Variants in MAP3K9 observed in about 807,000 individuals in gnomAD.
MAP3K9 encodes the protein mitogen-activated protein kinase kinase kinase 9, also known as mixed lineage kinase 1 (tyr and ser/thr specificity).
A neutral mutation model predicts 95.8 loss-of-function variants in MAP3K9; 46 were observed. The ratio of observed to expected loss-of-function variants is 0.48; its 90% confidence interval spans 0.38 to 0.61. MAP3K9 has a LOEUF of 0.61. MAP3K9 is among the 20% of genes least tolerant of loss of function. The pLI is 0.00. For missense variants in MAP3K9, 1,296 were observed against 1,474.3 expected (o/e 0.88, Z 1.98); for synonymous variants, 533 against 593.8 (o/e 0.90, Z 1.49).
At position 70,726,095 on chromosome 14, in the gene MAP3K9, C is replaced by T. The variant is rs529855323; in HGVS notation, c.*4285G>A. On this transcript the variant is annotated 3_prime_UTR_variant, in exon 12 of 12. Transcript: ENST00000554752. The stretch of plus-strand genomic sequence containing the variant: ...AACACGGTTTCAACCCCAAGGTGTA[C>T]CATTCACAGCCATCCAGTCTTCAGT... 1 of 152,248 alleles carries T rather than the reference C, an allele frequency of 6.6e-6. No homozygotes were observed. The highest frequency in any genetic ancestry group is 2.4e-5 in the African/African-American group (1 of 41,468). The allele number at this position is 152,248 out of a possible 1,614,324, so 9.4% of individuals were successfully genotyped here.
chr14:70,754,717 C>T (rs998308022), intron 3 of MAP3K9, among the ~76,000 whole-genome samples: 5 of 152,068 alleles, frequency 3.3e-5, no homozygotes, highest in Non-Finnish European at 7.4e-5. Flanking sequence ...GTGATCTGCC[C>T]GCCTCAGCCT....
intron 1 of MAP3K9, among the ~76,000 whole-genome samples, chr14:70,806,224 C>T (rs1003688513): frequency 2.0e-5 from 3 of 152,144 alleles, no homozygotes; most frequent in East Asian, 1.9e-4. Context: ...CTTCAATGAC[C>T]GCCCATGTTC....
intron 3 of MAP3K9, among the ~76,000 whole-genome samples, chr14:70,759,370 AG>A (rs2054339177): frequency 1.3e-5 from 2 of 152,192 alleles, no homozygotes; most frequent in South Asian, 4.1e-4. Context: ...TGAACCCGGG[AG>A]GCAGAGGTGG....
In MAP3K9 at chr14:70,809,087, C is replaced by A; in HGVS notation, c.85G>T (p.Ala29Ser). 7.0e-7 allele frequency: 1 copy of A among 1,426,536 alleles called. No individual in the cohort carries two copies. The highest frequency in any genetic ancestry group is 9.1e-7 in the Non-Finnish European group (1 of 1,098,414). 88.4% of individuals were successfully genotyped at this position (1,426,536 alleles called of 1,614,324 possible). Reference sequence around the variant, plus strand: ...TCCTCCTCCTCCTCCTCCTCCTCGGCCCCGGCCCCTGCTCCATCCTCCCCC... The same window carrying A: ...TCCTCCTCCTCCTCCTCCTCCTCGGACCCGGCCCCTGCTCCATCCTCCCCC... The part of the protein sequence containing the change: ...PPGEDGAGAG[A>S]EEEEEEEEEA... Residue 29 changes from alanine (A) to serine (S), a missense_variant, in exon 1 of 12, where the codon GCC becomes TCC. Coordinates refer to ENST00000554752, the MANE Select transcript of MAP3K9 (RefSeq NM_001284230.2).
chr14:70,752,111 A>C (rs1594779489), intron 3 of MAP3K9, among the ~76,000 whole-genome samples: 1 of 152,336 alleles, frequency 6.6e-6, no homozygotes, highest in East Asian at 1.9e-4. Context: ...CCAGGAAAAA[A>C]CAAAAAGCCT....
In MAP3K9 at chr14:70,732,744, A is replaced by G. The variant is rs1178312186; in HGVS notation, c.2625T>C (p.Cys875=). Residue 875 remains cysteine, a synonymous_variant, in exon 11 of 12, where the codon TGT becomes TGC. Coordinates refer to ENST00000554752, the MANE Select transcript of MAP3K9 (RefSeq NM_001284230.2). ...SPVEAPPLSP[C]THNPLVNVRV... ...GGACATTGACCAGGGGGTTGTGGGT[A>G]CATGGACTCAGGGGAGGGGCCTCGA... 3.1e-6 allele frequency: 5 copies of G among 1,609,940 alleles called. No individual in the cohort carries two copies. In the African/African-American group the frequency reaches 5.3e-5, roughly 17 times the overall value.
chr14:70,736,440 A>G (rs2053987760), intron 8 of MAP3K9, among the ~76,000 whole-genome samples: 1 of 152,218 alleles, frequency 6.6e-6, no homozygotes, highest in Non-Finnish European at 1.5e-5. Flanking sequence ...AATATCACAT[A>G]GAAGTTCTCA....
chr14:70,802,534 T>C (rs1376628655), intron 1 of MAP3K9, among the ~76,000 whole-genome samples: 1 of 152,248 alleles, frequency 6.6e-6, no homozygotes, highest in African/African-American at 2.4e-5. Context: ...TTTTGTTTCT[T>C]GCATGAAACC....
intron 3 of MAP3K9, among the ~76,000 whole-genome samples, chr14:70,750,905 G>A (rs1025078375): frequency 6.6e-5 from 10 of 152,122 alleles, no homozygotes; most frequent in African/African-American, 2.4e-4. Flanking sequence ...CCCCCAAAGT[G>A]CTAGGATTAA....
chr14:70,803,337 T>TAAAAAA (rs10583563), intron 1 of MAP3K9, among the ~76,000 whole-genome samples: 10 of 75,190 alleles, frequency 1.3e-4, no homozygotes, highest in East Asian at 5.3e-4. Context: ...ATTCAGATCT[T>TAAAAAA]AAAAAAAAAA....
At chr14:70,788,470 C>T (rs1173646818) in intron 2 of MAP3K9, among the ~76,000 whole-genome samples, 1 of 152,206 alleles carries the variant, frequency 6.6e-6, no homozygotes, top group Non-Finnish European at 1.5e-5. Flanking sequence ...TCCCGCTTTA[C>T]ATCTGCAAAA....
chr14:70,742,464 T>G lies in MAP3K9; in HGVS notation c.1454A>C (p.Asn485Thr). The G allele has an allele frequency of 2.5e-6, 4 of 1,614,240 alleles. No homozygotes were observed. The highest frequency in any genetic ancestry group is 3.4e-6 in the Non-Finnish European group (4 of 1,180,038). Residue 485 changes from asparagine (N) to threonine (T), a missense_variant, in exon 6 of 12, where the codon AAC becomes ACC. Transcript: ENST00000554752. Reference sequence around the variant, plus strand: ...CTGGCACAGCTGGTGGATGATGATGTTGAGCTCCCGTTCCAGGATGTCAAT... The same window carrying G: ...CTGGCACAGCTGGTGGATGATGATGGTGAGCTCCCGTTCCAGGATGTCAAT... The part of the protein sequence containing the change: ...REIDILEREL[N>T]IIIHQLCQEK...
At chr14:70,765,606 G>A (rs2054439093) in intron 2 of MAP3K9, 2 of 451,530 alleles carry the variant, frequency 4.4e-6, no homozygotes, top group Non-Finnish European at 8.0e-6. Context: ...ACAATATTCA[G>A]TACAGTAACA....
intron 1 of MAP3K9, among the ~76,000 whole-genome samples, chr14:70,803,081 G>T (rs1431777477): frequency 6.6e-6 from 1 of 151,764 alleles, no homozygotes; most frequent in Non-Finnish European, 1.5e-5. Flanking sequence ...CACCTATCTG[G>T]TTTTTCTCTC....
rs1322339885 is a variant in MAP3K9, at chr14:70,727,065, A to G, written c.*3315T>C. ...TTCATTTCTCTTCACTTGAATTTTCATCTTTAAGCATTTCCCCTTCTCTAC... is the reference window on the plus strand; with the variant it reads ...TTCATTTCTCTTCACTTGAATTTTCGTCTTTAAGCATTTCCCCTTCTCTAC... On this transcript the variant is annotated 3_prime_UTR_variant, in exon 12 of 12. Coordinates refer to ENST00000554752, the MANE Select transcript of MAP3K9 (RefSeq NM_001284230.2). 1 of 152,230 alleles carries G rather than the reference A, an allele frequency of 6.6e-6. No individual in the cohort carries two copies. The highest frequency in any genetic ancestry group is 1.5e-5 in the Non-Finnish European group (1 of 68,040). 9.4% of individuals were successfully genotyped at this position (152,230 alleles called of 1,614,324 possible).
intron 3 of MAP3K9, among the ~76,000 whole-genome samples, chr14:70,760,629 G>A (rs982139624): frequency 5.9e-5 from 9 of 152,120 alleles, no homozygotes; most frequent in African/African-American, 1.4e-4. Flanking sequence ...TAACAGCCAC[G>A]AAAGCCTAGC....
chr14:70,799,971 T>C (rs547241889), intron 2 of MAP3K9, among the ~76,000 whole-genome samples: 1 of 152,320 alleles, frequency 6.6e-6, no homozygotes, highest in Admixed American at 6.5e-5. Flanking sequence ...TCAGCCAACG[T>C]GAAGGACTGG....
At chr14:70,774,246 A>T (rs2054566338) in intron 2 of MAP3K9, among the ~76,000 whole-genome samples, 1 of 152,244 alleles carries the variant, frequency 6.6e-6, no homozygotes, top group African/African-American at 2.4e-5. Flanking sequence ...TCCCCTCAAG[A>T]TCACCAGCCA....
chr14:70,726,225 T>C lies in MAP3K9; in HGVS notation c.*4155A>G, dbSNP rs1169680758. On this transcript the variant is annotated 3_prime_UTR_variant, in exon 12 of 12. Coordinates refer to ENST00000554752, the MANE Select transcript of MAP3K9 (RefSeq NM_001284230.2). ...GGAGGAGGGAGGGAGGTCTCCAATGTGGGGACCACAGAGGCAAGAGAGTTC... is the reference window on the plus strand; with the variant it reads ...GGAGGAGGGAGGGAGGTCTCCAATGCGGGGACCACAGAGGCAAGAGAGTTC... The C allele has an allele frequency of 6.6e-6, 1 of 152,284 alleles. No individual in the cohort carries two copies. The highest frequency in any genetic ancestry group is 1.9e-4 in the East Asian group (1 of 5,202). The allele number at this position is 152,284 out of a possible 1,614,324, so 9.4% of individuals were successfully genotyped here.
Sources: allele counts gnomAD v4.1 joint callset (sites outside exome capture counted in the v4.1 genomes callset), GRCh38; gene constraint gnomAD v4.1.1; transcripts MANE v1.5; gene names NCBI Gene and HGNC (gene_info 2026-07-23, HGNC 2026-07-21).